Variants in TF observed in about 807,000 individuals in gnomAD.
The protein encoded by TF is transferrin.
TF carries 55 observed loss-of-function variants against 82.4 expected under a neutral mutation model. That is an observed-to-expected ratio of 0.67 (90% CI 0.54 to 0.84). The LOEUF (loss-of-function observed/expected upper bound fraction) is 0.84. TF is among the 40% of genes least tolerant of loss of function. TF has a pLI of 0.00. For missense variants in TF, 737 were observed against 868.4 expected (o/e 0.85, Z 1.90); for synonymous variants, 332 against 332.6 (o/e 1.00, Z 0.02).
At chr3:133,673,612 A>G in the TF span, among the ~76,000 whole-genome samples, 1 of 152,242 alleles carries the variant, frequency 6.6e-6, no homozygotes, top group Admixed American at 6.5e-5. Context: ...AATTGTACGT[A>G]TGGTATGATT....
intron 1 of TF, 37 bp from the exon 2 acceptor site, chr3:133,748,375 G>A (rs762727174): frequency 6.2e-7 from 1 of 1,613,406 alleles, no homozygotes; most frequent in Admixed American, 1.7e-5. Flanking sequence ...CTCAGCATAG[G>A]GAGTGGGCCC....
chr3:133,686,523 C>G, the TF span, among the ~76,000 whole-genome samples: 10 of 152,156 alleles, frequency 6.6e-5, no homozygotes, highest in Non-Finnish European at 1.3e-4. Context: ...ACAACCCCAT[C>G]AAAATGTGGG....
At chr3:133,744,128 A>G (rs1388654794), upstream of TF, among the ~76,000 whole-genome samples, 2 of 152,222 alleles carry the variant, frequency 1.3e-5, no homozygotes, top group Non-Finnish European at 2.9e-5. Context: ...TTCTGAGGAC[A>G]GGGCATAGAG....
At chr3:133,713,251 A>G in the TF span, among the ~76,000 whole-genome samples, 14 of 152,334 alleles carry the variant, frequency 9.2e-5, no homozygotes, top group Admixed American at 6.5e-4. Context: ...TTGAGCACCT[A>G]ATAGGTATTG....
At chr3:133,777,485 T>A (rs1457529170) in intron 16 of TF, 1 of 509,342 alleles carries the variant, frequency 2.0e-6, no homozygotes, top group Admixed American at 3.2e-5. Context: ...TTCCATCTTA[T>A]TTCTAAGAAA....
intron 15 of TF, 28 bp from the exon 16 acceptor site, chr3:133,777,021 C>T: frequency 1.9e-6 from 3 of 1,610,296 alleles, no homozygotes; most frequent in Non-Finnish European, 2.5e-6. Flanking sequence ...ACCACAAGGT[C>T]CTCACGGACT....
chr3:133,721,858 C>G, the TF span, among the ~76,000 whole-genome samples: 4 of 151,920 alleles, frequency 2.6e-5, no homozygotes, highest in African/African-American at 9.7e-5. Context: ...CCTTCTTTGT[C>G]TCTTTTTATA....
At chr3:133,676,381 G>T in the TF span, among the ~76,000 whole-genome samples, 13 of 152,312 alleles carry the variant, frequency 8.5e-5, no homozygotes, top group African/African-American at 2.9e-4. Context: ...TTCCTGTTTT[G>T]CGAGGGTGGG....
the TF span, among the ~76,000 whole-genome samples, chr3:133,694,663 G>T: frequency 6.6e-6 from 1 of 152,172 alleles, no homozygotes; most frequent in African/African-American, 2.4e-5. Flanking sequence ...CTTTTGGCAG[G>T]GCCAAAGGTC....
chr3:133,680,393 C>T, the TF span, among the ~76,000 whole-genome samples: 1 of 151,796 alleles, frequency 6.6e-6, no homozygotes, highest in African/African-American at 2.4e-5. Flanking sequence ...TTTGTAGAGA[C>T]AAGTCTCACT....
At chr3:133,679,136 G>T in the TF span, among the ~76,000 whole-genome samples, 27 of 152,242 alleles carry the variant, frequency 1.8e-4, no homozygotes, top group East Asian at 5.2e-3. Flanking sequence ...CTCCCAAAGT[G>T]TTGGGATTAC....
the TF span, among the ~76,000 whole-genome samples, chr3:133,724,144 G>A: frequency 6.6e-6 from 1 of 152,188 alleles, no homozygotes; most frequent in Non-Finnish European, 1.5e-5. Flanking sequence ...ATAGCAGCAT[G>A]ATTTATAGTC....
At chr3:133,686,602 T>C in the TF span, among the ~76,000 whole-genome samples, 1 of 152,198 alleles carries the variant, frequency 6.6e-6, no homozygotes, top group Admixed American at 6.5e-5. Flanking sequence ...GAAAAAATGC[T>C]TGTCATCACT....
intron 13 of TF, among the ~76,000 whole-genome samples, chr3:133,769,763 A>G (rs1475680078): frequency 6.6e-6 from 1 of 152,220 alleles, no homozygotes; most frequent in East Asian, 1.9e-4. Context: ...CCTTGTGTAG[A>G]TTTTGAAGTA....
chr3:133,770,710 A>G, intron 14 of TF, 138 bp downstream of exon 14: 2 of 1,031,420 alleles, frequency 1.9e-6, no homozygotes, highest in South Asian at 2.6e-5. Flanking sequence ...CTGTCTGCTC[A>G]GTGAAGAGAG....
At chr3:133,684,027 T>A in the TF span, among the ~76,000 whole-genome samples, 209 of 152,250 alleles carry the variant, frequency 1.4e-3, 2 homozygotes, top group African/African-American at 4.7e-3. Flanking sequence ...GCAATCAAAC[T>A]AGAACTCAGG....
chr3:133,723,259 C>T, the TF span, among the ~76,000 whole-genome samples: 1 of 152,108 alleles, frequency 6.6e-6, no homozygotes, highest in African/African-American at 2.4e-5. Context: ...CAGAGAGAAT[C>T]TTTTTGGGTT....
At chr3:133,756,782 C>T (rs1314204136) in intron 6 of TF, 49 bp from the exon 7 acceptor site, 5 of 1,607,174 alleles carry the variant, frequency 3.1e-6, no homozygotes, top group Non-Finnish European at 4.3e-6. Context: ...ATGGGCACCA[C>T]AGCCCATGGC....
At chr3:133,728,655 G>A in the TF span, among the ~76,000 whole-genome samples, 1 of 152,196 alleles carries the variant, frequency 6.6e-6, no homozygotes, top group African/African-American at 2.4e-5. Context: ...CTCTCAACTT[G>A]TCAAAGTCCT....
Sources: gnomAD v4.1 joint callset for allele counts (sites outside exome capture counted in the v4.1 genomes callset) on GRCh38, gnomAD v4.1.1 for gene constraint, MANE v1.5 for transcripts, NCBI Gene and HGNC (gene_info 2026-07-23, HGNC 2026-07-21) for gene names.